NTM: variants seen among roughly 807,000 people sequenced by gnomAD.
The protein encoded by NTM is IgLON family member 2.
A neutral mutation model predicts 42.1 loss-of-function variants in NTM; 13 were observed. The ratio of observed to expected loss-of-function variants is 0.31; its 90% CI spans 0.20 to 0.49. The LOEUF is 0.49. Ranked by LOEUF, NTM falls within the 20% of genes least tolerant of loss-of-function variation. The pLI, the probability that NTM is intolerant of heterozygous loss-of-function variation, is 0.99. For missense variants in NTM, 373 were observed against 452.8 expected, an observed-to-expected ratio of 0.82 and a Z score of 1.60; for synonymous variants, 187 against 179.2, an observed-to-expected ratio of 1.04 and a Z score of -0.35.
chr11:131,552,907 G>A (rs2054902162), intron 1 of NTM, among the ~76,000 whole-genome samples: 1 of 151,898 alleles, frequency 6.6e-6, no homozygotes, highest in South Asian at 2.1e-4. Flanking sequence ...TTCATTCAAC[G>A]GAACGTCAAA....
intron 1 of NTM, among the ~76,000 whole-genome samples, chr11:131,899,556 G>A (rs925526488): frequency 2.0e-5 from 3 of 152,174 alleles, no homozygotes; most frequent in Non-Finnish European, 2.9e-5. Context: ...AAATTCAGAT[G>A]TCCGAGTTAC....
chr11:132,264,436 A>G (rs1254623928), intron 4 of NTM, among the ~76,000 whole-genome samples: 5 of 152,216 alleles, frequency 3.3e-5, no homozygotes, highest in African/African-American at 1.2e-4. Flanking sequence ...GGGTGCAGAT[A>G]TCCCTCCCAG....
chr11:132,218,322 A>C (rs902170646), intron 4 of NTM, among the ~76,000 whole-genome samples: 1 of 152,224 alleles, frequency 6.6e-6, no homozygotes. Flanking sequence ...AAATCCATCT[A>C]TGCCAATTCT....
At position 132,146,148 on chromosome 11, in the gene NTM, G is replaced by A. The variant is rs1591810152; in HGVS notation, c.168-134G>A. 2 of 1,391,988 alleles carry A rather than the reference G, an allele frequency of 1.4e-6. No homozygotes were observed. The highest frequency in any genetic ancestry group is 1.5e-5 in the South Asian group (1 of 68,104). The allele number at this position is 1,391,988 out of a possible 1,614,324, so 86.2% of individuals were successfully genotyped here. On this transcript the variant is annotated intron_variant, in intron 2 of 8. Coordinates refer to ENST00000683400, the MANE Select transcript of NTM (RefSeq NM_001352005.2). This position sits in a 1 kb window ranked among gnomAD's most constrained non-coding sequence, Gnocchi z 4.5. ...CTGTGTTCCAGAAAAGTCCACCCCT[G>A]ACAAATCAAAGGAAATGTATGTGTT... is the stretch of plus-strand genomic sequence containing the variant.
At chr11:131,998,658 ACTACAG>A (rs2068592216) in intron 2 of NTM, among the ~76,000 whole-genome samples, 2 of 152,178 alleles carry the variant, frequency 1.3e-5, no homozygotes, top group South Asian at 4.1e-4. Context: ...GGCCACAGGT[ACTACAG>A]ACTACAGCCT....
At chr11:132,070,530 A>G (rs2057409108) in intron 2 of NTM, among the ~76,000 whole-genome samples, 1 of 124,580 alleles carries the variant, frequency 8.0e-6, no homozygotes, top group Non-Finnish European at 1.8e-5. Flanking sequence ...AGCCAAGTTA[A>G]CACGTCAAAC....
At chr11:131,858,466 G>A (rs868055781) in intron 1 of NTM, among the ~76,000 whole-genome samples, 2 of 152,148 alleles carry the variant, frequency 1.3e-5, no homozygotes, top group Non-Finnish European at 2.9e-5. Flanking sequence ...AAAGAATCTG[G>A]CCAATGTGAG....
chr11:131,644,586 G>A (rs188580430), intron 1 of NTM, among the ~76,000 whole-genome samples: 12 of 152,152 alleles, frequency 7.9e-5, no homozygotes, highest in Admixed American at 3.3e-4. Flanking sequence ...ATAACAATGC[G>A]GTATACCAGC....
At chr11:131,635,484 A>T (rs111778277) in intron 1 of NTM, among the ~76,000 whole-genome samples, 5,149 of 152,286 alleles carry the variant, frequency 0.034, 316 homozygotes, top group African/African-American at 0.12. Context: ...CAGAATAAGG[A>T]TATAAAGAAA....
chr11:131,912,854 A>G (rs767022874), intron 2 of NTM, among the ~76,000 whole-genome samples: 25 of 152,162 alleles, frequency 1.6e-4, no homozygotes, highest in Non-Finnish European at 3.5e-4. Context: ...GGCAATATCT[A>G]TAGGATAGAA....
intron 3 of NTM, among the ~76,000 whole-genome samples, chr11:132,179,402 T>C (rs776170133): frequency 6.6e-6 from 1 of 152,008 alleles, no homozygotes; most frequent in Non-Finnish European, 1.5e-5. Flanking sequence ...TGGAAGTGGG[T>C]AGGCAAAGGC....
At chr11:131,798,005 T>A (rs1056138872) in intron 1 of NTM, among the ~76,000 whole-genome samples, 1 of 151,264 alleles carries the variant, frequency 6.6e-6, no homozygotes. Flanking sequence ...TAAAAAAAAA[T>A]GAATTTACCT....
At chr11:131,915,267 A>C (rs2138077465) in intron 2 of NTM, among the ~76,000 whole-genome samples, 1 of 152,226 alleles carries the variant, frequency 6.6e-6, no homozygotes, top group East Asian at 1.9e-4. Context: ...ACTATTCAGG[A>C]CCCTTTGGAT....
At chr11:131,895,355 A>G (rs114384965) in intron 1 of NTM, among the ~76,000 whole-genome samples, 2,231 of 151,132 alleles carry the variant, frequency 0.015, 59 homozygotes, top group African/African-American at 0.051. Context: ...GCATACCACA[A>G]CCTGTTAGGA....
intron 1 of NTM, among the ~76,000 whole-genome samples, chr11:131,503,851 C>A (rs922345483): frequency 6.6e-6 from 1 of 152,122 alleles, no homozygotes; most frequent in African/African-American, 2.4e-5. Flanking sequence ...CAGGGTTGTG[C>A]GTGTTTCTTT....
chr11:131,684,565 TA>T (rs1285175537), intron 1 of NTM, among the ~76,000 whole-genome samples: 2 of 152,218 alleles, frequency 1.3e-5, no homozygotes, highest in African/African-American at 4.8e-5. Flanking sequence ...TTCCTTTATG[TA>T]GGACACTGGC....
intron 1 of NTM, chr11:131,774,230 G>GC (rs2086606280): frequency 4.0e-6 from 2 of 497,568 alleles, no homozygotes; most frequent in Admixed American, 6.4e-5. Flanking sequence ...ACTGATTTTT[G>GC]CCCCTTACAA....
chr11:131,925,794 G>A (rs564669386), intron 2 of NTM, among the ~76,000 whole-genome samples: 1 of 152,302 alleles, frequency 6.6e-6, no homozygotes, highest in African/African-American at 2.4e-5. Flanking sequence ...AGCCAGAGTT[G>A]TGGGTAGGAG....
intron 2 of NTM, among the ~76,000 whole-genome samples, chr11:131,955,655 TGGCACCAA>T (rs1432153718): frequency 1.3e-5 from 2 of 152,130 alleles, no homozygotes; most frequent in Non-Finnish European, 2.9e-5. Flanking sequence ...GCTGAGTATG[TGGCACCAA>T]GACCTGGAAG....
Sources: gnomAD v4.1 joint callset for allele counts (sites outside exome capture counted in the v4.1 genomes callset) on GRCh38, gnomAD v4.1.1 for gene constraint, Gnocchi (gnomAD v3.1) non-coding constraint, MANE v1.5 for transcripts, NCBI Gene and HGNC (gene_info 2026-07-23, HGNC 2026-07-21) for gene names.